The following SEC14L1 variants were observed in gnomAD, a reference collection of about 807,000 sequenced individuals.
SEC14L1 encodes SEC14-like protein 1.
Under a neutral mutation model 85.3 loss-of-function variants are expected in SEC14L1, and 48 were observed. That is an observed-to-expected ratio of 0.56 (90% confidence interval 0.45 to 0.72). The LOEUF is 0.72. Among genes scored for constraint, SEC14L1 ranks in the 30% least tolerant of loss-of-function variants. The pLI, the probability that SEC14L1 is intolerant of heterozygous loss-of-function variation, is 0.00. For synonymous variants in SEC14L1, 391 were observed against 355.5 expected, an observed-to-expected ratio of 1.10 and a Z score of -1.12; for missense variants, 682 against 921.4, an observed-to-expected ratio of 0.74 and a Z score of 3.36.
In SEC14L1 at chr17:77,215,840, A is replaced by C. The variant is rs1398096144; in HGVS notation, c.*1817A>C. The C allele has an allele frequency of 1.0e-4, 98 of 940,072 alleles. 1 individual carries two copies. The highest frequency in any genetic ancestry group is 8.6e-4 in the Admixed American group (12 of 13,928). 58.2% of individuals were successfully genotyped at this position (940,072 alleles called of 1,614,324 possible). A position where few individuals can be genotyped will look rare whatever the true frequency, so the allele number is the denominator to read the frequency against. ...GTAGGTAGGGTTAGTAGGTAGGGCT[A>C]GTAGGTAGGGTTAGTAGGTAGGGTT... On this transcript the variant is annotated 3_prime_UTR_variant, in exon 17 of 17. Transcript: ENST00000436233.
upstream of SEC14L1, among the ~76,000 whole-genome samples, chr17:77,138,685 C>A (rs911059487): frequency 6.6e-6 from 1 of 152,000 alleles, no homozygotes; most frequent in African/African-American, 2.4e-5. Context: ...AGTAGCCAGG[C>A]GTGGTGGCAC....
At position 77,213,910 on chromosome 17, in the gene SEC14L1, C is replaced by T. The variant is rs1976906514; in HGVS notation, c.2043-8C>T. The T allele has an allele frequency of 6.2e-7, 1 of 1,612,402 alleles. No homozygotes were observed. The highest frequency in any genetic ancestry group is 1.3e-5 in the African/African-American group (1 of 74,890). ...CCTCACGCCTCGCCCCTCCCTGTGC[C>T]ATTACAGAGGTTCCATGACGAGCCT... On this transcript the variant is annotated splice_polypyrimidine_tract_variant and splice_region_variant and intron_variant, in intron 16 of 16. Coordinates refer to ENST00000436233, the MANE Select transcript of SEC14L1 (RefSeq NM_001143998.2). The surrounding 1 kb of genome is among the most constrained non-coding windows in gnomAD (Gnocchi z 7.1).
intron 3 of SEC14L1, among the ~76,000 whole-genome samples, chr17:77,190,177 C>T (rs983539741): frequency 1.3e-5 from 2 of 152,066 alleles, no homozygotes; most frequent in East Asian, 3.8e-4. Flanking sequence ...ATTATTGTTT[C>T]AGCCTATGGA....
At chr17:77,120,491 T>G (rs1472307684) in intron 3 of SEC14L1, among the ~76,000 whole-genome samples, 1 of 152,108 alleles carries the variant, frequency 6.6e-6, no homozygotes, top group Non-Finnish European at 1.5e-5. Flanking sequence ...TCTTTTTTTT[T>G]TTTTTAATGA....
intron 3 of SEC14L1, among the ~76,000 whole-genome samples, chr17:77,177,158 C>A (rs1422814844): frequency 2.6e-5 from 4 of 151,390 alleles, no homozygotes; most frequent in Non-Finnish European, 5.9e-5. Flanking sequence ...ACTGAGACAT[C>A]AAGGAACACA....
At chr17:77,185,649 A>G (rs1295639536) in intron 3 of SEC14L1, among the ~76,000 whole-genome samples, 3 of 152,128 alleles carry the variant, frequency 2.0e-5, no homozygotes, top group African/African-American at 7.2e-5. Flanking sequence ...GTAAGTCTCA[A>G]TTTCTTGGTA....
At chr17:77,183,648 A>G (rs1490992602) in intron 3 of SEC14L1, among the ~76,000 whole-genome samples, 1 of 152,222 alleles carries the variant, frequency 6.6e-6, no homozygotes, top group Non-Finnish European at 1.5e-5. Flanking sequence ...CAAATAAAAA[A>G]TAAAAAAGTG....
intron 5 of SEC14L1, among the ~76,000 whole-genome samples, chr17:77,192,375 C>A (rs1472098799): frequency 1.3e-5 from 2 of 152,198 alleles, no homozygotes; most frequent in South Asian, 2.1e-4. Context: ...TAAGTCACTT[C>A]TATGGGCTCA....
intron 13 of SEC14L1, among the ~76,000 whole-genome samples, chr17:77,207,246 T>C (rs1389270409): frequency 7.8e-6 from 1 of 128,122 alleles, no homozygotes; most frequent in Non-Finnish European, 1.8e-5. Flanking sequence ...CGTCCTTTTT[T>C]TTATGGAGAC....
chr17:77,145,012 A>G (rs116879816), intron 3 of SEC14L1: 1,837 of 152,140 alleles, frequency 0.012, 22 homozygotes, highest in South Asian at 0.046. Context: ...CCTGAGTTCA[A>G]GCGATTCTGC....
At chr17:77,159,368 C>CT in intron 3 of SEC14L1, among the ~76,000 whole-genome samples, 1 of 144,204 alleles carries the variant, frequency 6.9e-6, no homozygotes, top group East Asian at 2.2e-4. Context: ...CACCCGGCCT[C>CT]TTTTCTTCTT....
At chr17:77,124,994 AT>A (rs1567879064) in intron 3 of SEC14L1, among the ~76,000 whole-genome samples, 14 of 99,128 alleles carry the variant, frequency 1.4e-4, no homozygotes, top group African/African-American at 3.6e-4. Context: ...TATTATTATT[AT>A]TATTTTTATT....
chr17:77,118,524 T>C (rs910787461), intron 3 of SEC14L1, among the ~76,000 whole-genome samples: 23 of 152,200 alleles, frequency 1.5e-4, no homozygotes, highest in African/African-American at 5.5e-4. Flanking sequence ...GCCTCATACG[T>C]TCCAAGGGCA....
intron 3 of SEC14L1, among the ~76,000 whole-genome samples, chr17:77,144,244 T>C (rs890565158): frequency 2.0e-5 from 3 of 152,234 alleles, no homozygotes; most frequent in Non-Finnish European, 2.9e-5. Flanking sequence ...TTTTGTGTTA[T>C]TATTAAGATA....
intron 3 of SEC14L1, among the ~76,000 whole-genome samples, chr17:77,152,123 C>G (rs1273175180): frequency 2.0e-5 from 3 of 152,170 alleles, no homozygotes; most frequent in African/African-American, 7.2e-5. Context: ...CAGGCTCACA[C>G]CACCATGCCA....
intron 3 of SEC14L1, among the ~76,000 whole-genome samples, chr17:77,112,480 C>G (rs971309471): frequency 1.3e-5 from 2 of 152,176 alleles, no homozygotes; most frequent in Non-Finnish European, 2.9e-5. Flanking sequence ...AATGAAATCT[C>G]ATTTATAGTC....
rs773555679 is a variant in SEC14L1, at chr17:77,190,923, G to A, written c.184G>A (p.Asp62Asn). ...TGTCATTGAAAGGCGCTGCAAGCTG[G>A]ATGTAGATGCACCCAGACTGCTGAA... ...IHVIERRCKL[D>N]VDAPRLLKKI... Residue 62 changes from aspartate to asparagine, a missense_variant, in exon 4 of 17, where the codon GAT becomes AAT. Asp to Asn is a conservative substitution (Grantham distance 23). This residue lies in a region of SEC14L1 where 139 missense variants were observed against 201.3 expected (regional missense o/e 0.69). Transcript: ENST00000436233. 18 of 1,614,104 alleles carry A rather than the reference G, an allele frequency of 1.1e-5. No individual in the cohort carries two copies. The Admixed American group carries it at 2.8e-4, about 25-fold the overall frequency.
At chr17:77,151,983 T>C (rs935806193) in intron 3 of SEC14L1, among the ~76,000 whole-genome samples, 2 of 152,200 alleles carry the variant, frequency 1.3e-5, no homozygotes, top group African/African-American at 4.8e-5. Context: ...TTATATTATT[T>C]TTATTTTTTT....
intron 9 of SEC14L1, among the ~76,000 whole-genome samples, chr17:77,201,772 G>A (rs527338182): frequency 2.0e-5 from 3 of 152,172 alleles, no homozygotes; most frequent in African/African-American, 7.2e-5. Context: ...CTTATTAAAC[G>A]TTGGGAGAAA....
Sources: gnomAD v4.1 joint callset for allele counts (sites outside exome capture counted in the v4.1 genomes callset) on GRCh38, gnomAD v4.1.1 for gene constraint, gnomAD v4.1.1 regional missense constraint, Gnocchi (gnomAD v3.1) non-coding constraint, MANE v1.5 for transcripts, NCBI Gene and HGNC (gene_info 2026-07-23, HGNC 2026-07-21) for gene names.